TRPC4AP: variants seen among roughly 807,000 people sequenced by gnomAD.
The protein encoded by TRPC4AP is short transient receptor potential channel 4-associated protein.
In TRPC4AP, 45 loss-of-function variants were observed where a neutral mutation model predicts 99.0. The observed-to-expected ratio is 0.45, with a 90% CI of 0.36 to 0.58. The LOEUF is 0.58. TRPC4AP is among the 20% of genes least tolerant of loss of function. The probability of loss-of-function intolerance (pLI) is 0.00; values close to 1 mark genes in which losing one functional copy is unlikely to be tolerated. For missense variants in TRPC4AP, 879 were observed against 985.3 expected, an observed-to-expected ratio of 0.89 and a Z score of 1.44; for synonymous variants, 408 against 385.8, an observed-to-expected ratio of 1.06 and a Z score of -0.67.
rs766441877 is a variant in TRPC4AP at position 35,021,177 on chromosome 20, G to A, written c.1218+13C>T. ...CTGCTCCCCGTGTCCTGAGACGCTG[G>A]AGAGGGGCCCACCTGGTTTCGCTGA... On this transcript the variant is annotated intron_variant, in intron 9 of 18. Transcript: ENST00000252015. 1 of 1,607,704 alleles carries A rather than the reference G, an allele frequency of 6.2e-7. No homozygotes were observed. The highest frequency in any genetic ancestry group is 1.1e-5 in the South Asian group (1 of 90,936).
chr20:35,069,071 T>A (rs1239424726), intron 3 of TRPC4AP, among the ~76,000 whole-genome samples: 1 of 152,110 alleles, frequency 6.6e-6, no homozygotes, highest in African/African-American at 2.4e-5. Flanking sequence ...AGAGATGTAC[T>A]TTTCACTTAG....
At chr20:35,048,757 C>G (rs1220039495) in intron 6 of TRPC4AP, among the ~76,000 whole-genome samples, 1 of 152,192 alleles carries the variant, frequency 6.6e-6, no homozygotes, top group African/African-American at 2.4e-5. Flanking sequence ...TTCTAGACTC[C>G]TATGCTGAGA....
intron 1 of TRPC4AP, among the ~76,000 whole-genome samples, chr20:35,091,520 C>T (rs922874304): frequency 6.6e-6 from 1 of 152,144 alleles, no homozygotes; most frequent in African/African-American, 2.4e-5. Context: ...CCAATTCCCA[C>T]CTCACTCCCA....
At chr20:35,045,820 G>A (rs1292222705) in intron 6 of TRPC4AP, among the ~76,000 whole-genome samples, 1 of 151,824 alleles carries the variant, frequency 6.6e-6, no homozygotes. Flanking sequence ...GATTACAAGC[G>A]TGAGCTACCA....
rs570330120 is a variant in TRPC4AP at position 35,031,258 on chromosome 20, C to G, written c.1051+3865G>C. 3.3e-5 allele frequency among the ~76,000 whole-genome samples: 5 copies of G among 151,226 alleles called. No homozygotes were observed. The East Asian group carries it at 9.7e-4, about 29-fold the overall frequency. ...GATTTTTTTTTTTTCTTTTTGGAGG[C>G]AGGGTCTCGCTCTGTCACCCAGGCT... On this transcript the variant is annotated intron_variant, in intron 8 of 18. Transcript: ENST00000252015.
chr20:35,084,756 A>ATATATG (rs1194887543), intron 1 of TRPC4AP, among the ~76,000 whole-genome samples: 1 of 146,364 alleles, frequency 6.8e-6, no homozygotes, highest in African/African-American at 2.6e-5. Context: ...TTATATGCAT[A>ATATATG]TATATGTATA....
At chr20:35,064,084 A>G (rs6087667) in intron 3 of TRPC4AP, among the ~76,000 whole-genome samples, 28,129 of 152,188 alleles carry the variant, frequency 0.18, 2,700 homozygotes, top group Middle Eastern at 0.34. Flanking sequence ...TTTCCAAAAA[A>G]GTCCAATTTT....
At chr20:35,091,019 G>A (rs1285690470) in intron 1 of TRPC4AP, among the ~76,000 whole-genome samples, 1 of 151,704 alleles carries the variant, frequency 6.6e-6, no homozygotes. Flanking sequence ...AGGTATCTTA[G>A]CTTAAGAAGG....
At chr20:35,033,047 A>C (rs2083237783) in intron 8 of TRPC4AP, among the ~76,000 whole-genome samples, 1 of 152,046 alleles carries the variant, frequency 6.6e-6, no homozygotes, top group African/African-American at 2.4e-5. Context: ...AATACAAAAA[A>C]TTAGCCGGGT....
At chr20:35,064,651 A>C (rs1027257295) in intron 3 of TRPC4AP, among the ~76,000 whole-genome samples, 4 of 152,250 alleles carry the variant, frequency 2.6e-5, no homozygotes, top group South Asian at 2.1e-4. Context: ...AAAAGAAAGA[A>C]GTCTCATGAC....
intron 5 of TRPC4AP, among the ~76,000 whole-genome samples, chr20:35,051,170 C>T (rs968745961): frequency 6.6e-6 from 1 of 151,848 alleles, no homozygotes; most frequent in Admixed American, 6.6e-5. Context: ...AGGTTTACTG[C>T]GATAAACTTG....
intron 1 of TRPC4AP, among the ~76,000 whole-genome samples, chr20:35,080,572 T>G (rs1600660779): frequency 6.9e-6 from 1 of 145,792 alleles, no homozygotes; most frequent in Non-Finnish European, 1.5e-5. Context: ...AAGAAGCCAG[T>G]CTCAAAAGGC....
chr20:35,077,935 C>T, intron 2 of TRPC4AP, 111 bp downstream of exon 2: 1 of 1,232,742 alleles, frequency 8.1e-7, no homozygotes, highest in Non-Finnish European at 1.1e-6. Context: ...ATAGCTCACA[C>T]AGTAAAAACA....
chr20:35,051,197 T>C (rs977819153), intron 5 of TRPC4AP, among the ~76,000 whole-genome samples: 1 of 152,120 alleles, frequency 6.6e-6, no homozygotes. Flanking sequence ...CCTTAAAAAG[T>C]ATAATCAAGA....
rs144377533 is a variant in TRPC4AP at position 35,035,146 on chromosome 20, T to G, written c.1028A>C (p.Asn343Thr). 2 of 1,613,974 alleles carry G rather than the reference T, an allele frequency of 1.2e-6. No individual in the cohort carries two copies. The highest frequency in any genetic ancestry group is 1.7e-6 in the Non-Finnish European group (2 of 1,179,926). The part of the protein sequence containing the change: ...LVLDALMRVA[N>T]EESEHNQASI... ...ACCTTGATTGTGCTCTGACTCCTCA[T>G]TGGCCACTCGCATCAGGGCATCTAG... is the stretch of plus-strand genomic sequence containing the variant. Residue 343 changes from asparagine (N) to threonine (T), a missense_variant, in exon 8 of 19, where the codon AAT (asparagine) becomes ACT (threonine). Physicochemically the swap from Asn to Thr is moderately conservative, Grantham distance 65 (BLOSUM62 0). This residue lies in a region of TRPC4AP where 603 missense variants were observed against 631.8 expected (regional missense o/e 0.95). Transcript: ENST00000252015.
intron 5 of TRPC4AP, among the ~76,000 whole-genome samples, chr20:35,053,467 C>T (rs999457975): frequency 6.6e-6 from 1 of 152,170 alleles, no homozygotes; most frequent in African/African-American, 2.4e-5. Context: ...TTATATTATA[C>T]ACTGTCTTCT....
chr20:35,066,784 C>T (rs1393410568), intron 3 of TRPC4AP, among the ~76,000 whole-genome samples: 1 of 151,908 alleles, frequency 6.6e-6, no homozygotes, highest in East Asian at 1.9e-4. Context: ...AAAATAACAT[C>T]AAAATTTAAT....
intron 14 of TRPC4AP, 132 bp from the exon 15 acceptor site, chr20:35,006,707 G>A: frequency 1.6e-6 from 2 of 1,222,460 alleles, no homozygotes; most frequent in Non-Finnish European, 2.2e-6. Context: ...CTAGATTCTT[G>A]TCTGAGGATG....
At chr20:35,075,405 C>G (rs1003624118) in intron 2 of TRPC4AP, among the ~76,000 whole-genome samples, 4 of 152,132 alleles carry the variant, frequency 2.6e-5, no homozygotes, top group African/African-American at 4.8e-5. Context: ...TCGGTTGTTC[C>G]TTTCCATGTT....
Sources: gnomAD v4.1 joint callset for allele counts (sites outside exome capture counted in the v4.1 genomes callset) on GRCh38, gnomAD v4.1.1 for gene constraint, gnomAD v4.1.1 regional missense constraint, MANE v1.5 for transcripts, NCBI Gene and HGNC (gene_info 2026-07-23, HGNC 2026-07-21) for gene names.